The following DNAH6 variants were observed in gnomAD, a reference collection of about 807,000 sequenced individuals.
DNAH6 encodes the protein axonemal beta dynein heavy chain 6.
DNAH6 carries 340 observed loss-of-function variants against 491.4 expected under a neutral mutation model. The ratio of observed to expected loss-of-function variants is 0.69; its 90% CI spans 0.63 to 0.76. The LOEUF is 0.76. Ranked by LOEUF, DNAH6 falls within the 30% of genes least tolerant of loss-of-function variation. The probability of loss-of-function intolerance (pLI) is 0.00; values close to 1 mark genes in which losing one functional copy is unlikely to be tolerated. For missense variants in DNAH6, 4,443 were observed against 4,972.2 expected (o/e 0.89, Z 3.20); for synonymous variants, 1,603 against 1,686.1 (o/e 0.95, Z 1.21).
At chr2:84,596,124 C>T (rs1025622164) in intron 18 of DNAH6, among the ~76,000 whole-genome samples, 16 of 152,120 alleles carry the variant, frequency 1.1e-4, no homozygotes, top group African/African-American at 3.6e-4. Flanking sequence ...CTTGTCCAAT[C>T]GGCCTTGTCC....
intron 72 of DNAH6, among the ~76,000 whole-genome samples, chr2:84,810,555 C>G (rs1418202023): frequency 6.6e-6 from 1 of 152,232 alleles, no homozygotes; most frequent in African/African-American, 2.4e-5. Flanking sequence ...GCCTTCCTCA[C>G]CTGACCTCTA....
Position 84,595,645 on chromosome 2 carries a change from G to T in DNAH6, c.2725-1G>T. The T allele has an allele frequency of 6.5e-7, 1 of 1,529,654 alleles. No individual in the cohort carries two copies. 94.8% of individuals were successfully genotyped at this position (1,529,654 alleles called of 1,614,324 possible). Reference sequence around the variant, plus strand: ...TTGCTTTGTTTTTAAATTTTTCATAGTCCAAATTTGATTGCCTGGATCCAG... The same window carrying T: ...TTGCTTTGTTTTTAAATTTTTCATATTCCAAATTTGATTGCCTGGATCCAG... On this transcript the variant is annotated splice_acceptor_variant, in intron 17 of 76. Coordinates refer to ENST00000389394, the MANE Select transcript of DNAH6 (RefSeq NM_001370.2). LOFTEE classifies it high-confidence loss of function.
At chr2:84,694,138 T>A (rs1437858023) in intron 45 of DNAH6, 111 bp from the exon 46 acceptor site, 2 of 887,686 alleles carry the variant, frequency 2.3e-6, no homozygotes, top group Non-Finnish European at 3.5e-6. Context: ...TGCAGCATCC[T>A]GCCCAGGGAG....
chr2:84,608,461 T>C (rs1433579127), intron 21 of DNAH6, among the ~76,000 whole-genome samples: 1 of 152,228 alleles, frequency 6.6e-6, no homozygotes, highest in African/African-American at 2.4e-5. Flanking sequence ...GCAGAACGGA[T>C]GTTGTGTTAG....
At chr2:84,499,398 A>T in the DNAH6 span, among the ~76,000 whole-genome samples, 1 of 152,034 alleles carries the variant, frequency 6.6e-6, no homozygotes, top group Non-Finnish European at 1.5e-5. Flanking sequence ...GCTAAATAGT[A>T]CTCCATTGTG....
intron 29 of DNAH6, among the ~76,000 whole-genome samples, chr2:84,629,442 T>G (rs1346567784): frequency 2.0e-5 from 3 of 152,258 alleles, no homozygotes; most frequent in Non-Finnish European, 2.9e-5. Flanking sequence ...GTTGTCAGTC[T>G]GAGGAGTATG....
At chr2:84,577,796 T>A (rs1046203446) in intron 13 of DNAH6, among the ~76,000 whole-genome samples, 1 of 152,172 alleles carries the variant, frequency 6.6e-6, no homozygotes, top group African/African-American at 2.4e-5. Context: ...CCTACAGGTC[T>A]GATTATGTTT....
intron 11 of DNAH6, among the ~76,000 whole-genome samples, chr2:84,572,243 A>G (rs889223307): frequency 2.0e-5 from 3 of 152,240 alleles, no homozygotes; most frequent in Non-Finnish European, 4.4e-5. Context: ...ATATGTGTAT[A>G]TAGACAGACT....
chr2:84,628,585 C>T (rs1688099662), intron 29 of DNAH6, among the ~76,000 whole-genome samples: 1 of 152,136 alleles, frequency 6.6e-6, no homozygotes, highest in East Asian at 1.9e-4. Context: ...TATTCAAGCA[C>T]TGGGTTGAGA....
At chr2:84,734,868 C>A (rs890603336) in intron 62 of DNAH6, among the ~76,000 whole-genome samples, 2 of 151,938 alleles carry the variant, frequency 1.3e-5, no homozygotes, top group African/African-American at 4.8e-5. Flanking sequence ...CTGAATAATG[C>A]TTTTTGCCTT....
At chr2:84,721,746 A>G (rs1698184707) in intron 59 of DNAH6, among the ~76,000 whole-genome samples, 1 of 152,200 alleles carries the variant, frequency 6.6e-6, no homozygotes, top group South Asian at 2.1e-4. Context: ...ATTGGAAAGC[A>G]CTGGTCTATA....
At chr2:84,725,908 T>C (rs1216770284) in intron 60 of DNAH6, among the ~76,000 whole-genome samples, 3 of 152,196 alleles carry the variant, frequency 2.0e-5, no homozygotes, top group Non-Finnish European at 4.4e-5. Flanking sequence ...AGTCCTCTTT[T>C]CTCCTGAGTG....
At chr2:84,754,248 C>T (rs1049941913) in intron 63 of DNAH6, among the ~76,000 whole-genome samples, 17 of 152,092 alleles carry the variant, frequency 1.1e-4, no homozygotes, top group African/African-American at 4.1e-4. Context: ...GGCACGATCT[C>T]GGCTCACTGC....
At position 84,677,041 on chromosome 2, in the gene DNAH6, G is replaced by A. The variant is rs1353876824; in HGVS notation, c.6649G>A (p.Gly2217Ser). The change falls in exon 41 of 77, where the codon GGT (glycine) becomes AGT (serine). Residue 2217 changes from glycine (G) to serine (S), a missense_variant. Physicochemically the swap from Gly to Ser is moderately conservative, Grantham distance 56 (BLOSUM62 0). Coordinates refer to ENST00000389394, the MANE Select transcript of DNAH6 (RefSeq NM_001370.2). ...CATATCGGCATGTGCACCTCCAGGC[G>A]GTGGCCGCAACCCTGTGACTCCCCG... ...TIISACAPPG[G>S]GRNPVTPRFI... 2.6e-6 allele frequency: 4 copies of A among 1,551,604 alleles called. No homozygotes were observed. Among genetic ancestry groups the A allele is most frequent in the South Asian group, 1.2e-5 (1 of 84,064 alleles).
At chr2:84,589,644 G>A (rs768287223) in intron 16 of DNAH6, among the ~76,000 whole-genome samples, 6 of 151,096 alleles carry the variant, frequency 4.0e-5, no homozygotes, top group Admixed American at 3.3e-4. Flanking sequence ...CCCAGGAGGC[G>A]GAGGTTGCGG....
At chr2:84,581,190 G>A (rs1003948985) in intron 14 of DNAH6, among the ~76,000 whole-genome samples, 4 of 152,178 alleles carry the variant, frequency 2.6e-5, no homozygotes, top group African/African-American at 9.7e-5. Context: ...GGCTGCAGAG[G>A]GTCAGCTGCT....
rs1305726693 is a variant in DNAH6, at chr2:84,547,574, G to T, written c.1148G>T (p.Gly383Val). Reference protein sequence around the residue: ...RACRFALRAAGFVPDDCAFGP... With the variant: ...RACRFALRAAVFVPDDCAFGP... ...TGTCGATTTGCTTTGCGTGCTGCAG[G>T]ATTTGTTCCTGATGACTGTGCATTT... The change falls in exon 7 of 77, where the codon GGA becomes GTA. Residue 383 changes from glycine to valine, a missense_variant. By Grantham distance (109) the Gly-to-Val change is moderately radical. Coordinates refer to ENST00000389394, the MANE Select transcript of DNAH6 (RefSeq NM_001370.2). 1.3e-6 allele frequency: 2 copies of T among 1,551,784 alleles called. No individual in the cohort carries two copies. The highest frequency in any genetic ancestry group is 2.4e-5 in the East Asian group (1 of 40,924).
At chr2:84,520,535 G>C (rs1676039371) in intron 2 of DNAH6, among the ~76,000 whole-genome samples, 1 of 152,040 alleles carries the variant, frequency 6.6e-6, no homozygotes, top group Non-Finnish European at 1.5e-5. Flanking sequence ...ACTAAGTGTA[G>C]TACACAATAG....
the DNAH6 span, among the ~76,000 whole-genome samples, chr2:84,499,723 T>C: frequency 6.6e-6 from 1 of 152,214 alleles, no homozygotes; most frequent in Non-Finnish European, 1.5e-5. Context: ...CTTTGGGATA[T>C]AAGCCATTTT....
Sources: allele counts gnomAD v4.1 joint callset (sites outside exome capture counted in the v4.1 genomes callset), GRCh38; gene constraint gnomAD v4.1.1; transcripts MANE v1.5; gene names NCBI Gene and HGNC (gene_info 2026-07-23, HGNC 2026-07-21).